Variants in ATN1 observed in about 807,000 individuals in gnomAD.
The protein encoded by ATN1 is atrophin 1.
A neutral mutation model predicts 85.8 loss-of-function variants in ATN1; 19 were observed. That is an observed-to-expected ratio of 0.22 (90% CI 0.15 to 0.32). The LOEUF (loss-of-function observed/expected upper bound fraction) is 0.32. Among genes scored for constraint, ATN1 ranks in the 10% least tolerant of loss-of-function variants. ATN1 has a pLI of 1.00. For synonymous variants in ATN1, 674 were observed against 657.0 expected (o/e 1.03, Z -0.39); for missense variants, 1,453 against 1,564.5 (o/e 0.93, Z 1.20).
rs782093317 is a variant in ATN1, at chr12:6,937,038, T to C, written c.1771T>C (p.Ser591Pro). ...GSYPCSHPSP[S>P]QGPQGAPYPF... ...CTACCCATGTTCACACCCCTCCCCT[T>C]CCCAGGGCCCTCAAGGGGCGCCCTA... Residue 591 changes from serine to proline, a missense_variant, in exon 5 of 10, where the codon TCC (serine) becomes CCC (proline). This residue lies in a region of ATN1 where 990 missense variants were observed against 914.8 expected (regional missense o/e 1.08). Coordinates refer to ENST00000396684, the MANE Select transcript of ATN1 (RefSeq NM_001940.4). The surrounding 1 kb of genome is among the most constrained non-coding windows in gnomAD (Gnocchi z 6.0). 1 of 1,613,758 alleles carries C rather than the reference T, an allele frequency of 6.2e-7. No individual in the cohort carries two copies. The highest frequency in any genetic ancestry group is 1.1e-5 in the South Asian group (1 of 91,064).
rs1183266603 is a variant in ATN1, at chr12:6,935,158, G to C, written c.280-389G>C. Among the ~76,000 whole-genome samples, 1 of 152,194 alleles carries C rather than the reference G, an allele frequency of 6.6e-6. No individual in the cohort carries two copies. Among genetic ancestry groups the C allele is most frequent in the Non-Finnish European group, 1.5e-5 (1 of 68,032 alleles). On this transcript the variant is annotated intron_variant, in intron 4 of 9. Coordinates refer to ENST00000396684, the MANE Select transcript of ATN1 (RefSeq NM_001940.4). The surrounding 1 kb of genome is among the most constrained non-coding windows in gnomAD (Gnocchi z 5.3). Reference sequence around the variant, plus strand: ...CCGCTTCAGCTTCCCAAAGTGCTGGGATTACAGGTGTAAGCCTCTGTGCCC... The same window carrying C: ...CCGCTTCAGCTTCCCAAAGTGCTGGCATTACAGGTGTAAGCCTCTGTGCCC...
upstream of ATN1, among the ~76,000 whole-genome samples, chr12:6,926,537 C>G (rs997424525): frequency 2.0e-5 from 3 of 151,570 alleles, no homozygotes; most frequent in Admixed American, 6.6e-5. Flanking sequence ...TGCAGTGGCG[C>G]GATCTCTGCT....
At chr12:6,931,839 C>A (rs1199344559) in intron 1 of ATN1, among the ~76,000 whole-genome samples, 1 of 151,054 alleles carries the variant, frequency 6.6e-6, no homozygotes, top group African/African-American at 2.4e-5. Context: ...TTCGAGACCA[C>A]CCTGACTAAC....
intron 1 of ATN1, among the ~76,000 whole-genome samples, chr12:6,930,641 A>C (rs781965015): frequency 3.5e-4 from 53 of 152,142 alleles, no homozygotes; most frequent in Admixed American, 6.5e-4. Flanking sequence ...TAAAAATACA[A>C]AAAAATTAGC....
rs1555144120 is a variant in ATN1 at position 6,938,001 on chromosome 12, CGAGCGCGAGCGGGAACGCGAGAAA to C, written c.2463_2486del (p.Arg823_Glu830del). 5.8e-6 allele frequency: 9 copies of C among 1,542,546 alleles called. No individual in the cohort carries two copies. Among genetic ancestry groups the C allele is most frequent in the East Asian group, 4.9e-5 (2 of 40,912 alleles). ...AGCGCGCGCGCGAAGAAAAGGAGCG[CGAGCGCGAGCGGGAACGCGAGAAA>C]GAGCGCGAGCGCGAGAAGGAGCGCG... On this transcript the variant is annotated inframe_deletion, in exon 6 of 10. Transcript: ENST00000396684.
Position 6,934,925 on chromosome 12 carries a change from C to G in ATN1, c.279+347C>G, listed in dbSNP as rs1007658038. Among the ~76,000 whole-genome samples the G allele has an allele frequency of 6.6e-6, 1 of 152,090 alleles. No homozygotes were observed. Among genetic ancestry groups the G allele is most frequent in the African/African-American group, 2.4e-5 (1 of 41,410 alleles). ...TGTTTGTTTTTGAGACAGTTTCGCT[C>G]TGTCACCCAGGCTGGAGTACAGTGG... On this transcript the variant is annotated intron_variant, in intron 4 of 9. Transcript: ENST00000396684. This position sits in a 1 kb window ranked among gnomAD's most constrained non-coding sequence, Gnocchi z 4.5.
chr12:6,934,092 A>G lies in ATN1; in HGVS notation c.27+64A>G. 2 of 1,613,006 alleles carry G rather than the reference A, an allele frequency of 1.2e-6. No homozygotes were observed. Among genetic ancestry groups the G allele is most frequent in the South Asian group, 1.1e-5 (1 of 90,912 alleles). On this transcript the variant is annotated intron_variant, in intron 2 of 9. Coordinates refer to ENST00000396684, the MANE Select transcript of ATN1 (RefSeq NM_001940.4). The surrounding 1 kb of genome is among the most constrained non-coding windows in gnomAD (Gnocchi z 4.5). Reference sequence around the variant, plus strand: ...GCAGGCAAGCTAGGAGGAAGGGTCTAGAGAAGAAGAACAAATAATGTGCAC... The same window carrying G: ...GCAGGCAAGCTAGGAGGAAGGGTCTGGAGAAGAAGAACAAATAATGTGCAC...
At position 6,928,058 on chromosome 12, in the gene ATN1, C is replaced by A. The variant is rs1262056217; in HGVS notation, c.-489C>A. Among the ~76,000 whole-genome samples, 1 of 138,594 alleles carries A rather than the reference C, an allele frequency of 7.2e-6. No individual in the cohort carries two copies. The highest frequency in any genetic ancestry group is 2.2e-4 in the South Asian group (1 of 4,502). 90.9% of individuals were successfully genotyped at this position (138,594 alleles called of 152,430 possible). ...GAACCGCGCCGAGGGCCGGGCGGGC[C>A]GCGGGGCCGGGCGGCGCGGCGGGGG... On this transcript the variant is annotated 5_prime_UTR_variant, in exon 1 of 10. Transcript: ENST00000396684.
rs782170387 is a variant in ATN1 at position 6,937,327 on chromosome 12, C to T, written c.2060C>T (p.Pro687Leu). Reference sequence around the variant, plus strand: ...CCTGCAGGCCCAGGGACCTTCAAGCCGGGCTCGCCCACCGTGGGACCTGGG... The same window carrying T: ...CCTGCAGGCCCAGGGACCTTCAAGCTGGGCTCGCCCACCGTGGGACCTGGG... ...SPPAGPGTFK[P>L]GSPTVGPGPL... is the part of the protein sequence containing the mutation. Residue 687 changes from proline (P) to leucine (L), a missense_variant, in exon 5 of 10, where the codon CCG (proline) becomes CTG (leucine). Coordinates refer to ENST00000396684, the MANE Select transcript of ATN1 (RefSeq NM_001940.4). The surrounding 1 kb of genome is among the most constrained non-coding windows in gnomAD (Gnocchi z 6.0). The T allele has an allele frequency of 3.2e-6, 5 of 1,563,070 alleles. No homozygotes were observed. The highest frequency in any genetic ancestry group is 1.2e-5 in the South Asian group (1 of 86,622).
At position 6,941,848 on chromosome 12, in the gene ATN1, C is replaced by G. The variant is rs1239735735; in HGVS notation, c.*68C>G. On this transcript the variant is annotated 3_prime_UTR_variant, in exon 10 of 10. Coordinates refer to ENST00000396684, the MANE Select transcript of ATN1 (RefSeq NM_001940.4). The surrounding 1 kb of genome is among the most constrained non-coding windows in gnomAD (Gnocchi z 5.9). ...TGGAGCACCCCCACCCTCCCCCCACCGTGCCCTTGGCCTGCCACCCAGAGC... is the reference window on the plus strand; with the variant it reads ...TGGAGCACCCCCACCCTCCCCCCACGGTGCCCTTGGCCTGCCACCCAGAGC... 6.4e-7 allele frequency: 1 copy of G among 1,552,460 alleles called. No individual in the cohort carries two copies. The highest frequency in any genetic ancestry group is 1.1e-5 in the South Asian group (1 of 89,538).
rs782630098 is a variant in ATN1 at position 6,936,728 on chromosome 12, A to ACAGCAGCAACAGCAACAG, written c.1469_1470insACAGCAACAGCAGCAGCA (p.Gln497_Gln502dup). 2.5e-6 allele frequency: 4 copies of ACAGCAGCAACAGCAACAG among 1,583,082 alleles called. No homozygotes were observed. The highest frequency in any genetic ancestry group is 1.7e-6 in the Non-Finnish European group (2 of 1,165,230). On this transcript the variant is annotated inframe_insertion, in exon 5 of 10. Coordinates refer to ENST00000396684, the MANE Select transcript of ATN1 (RefSeq NM_001940.4). ...ATCACCATCACCACCAGCAACAGCA[A>ACAGCAGCAACAGCAACAG]CAGCAGCAGCAGCAGCAGCAGCAGC...
chr12:6,927,127 T>A (rs1161934723), upstream of ATN1, among the ~76,000 whole-genome samples: 1 of 148,698 alleles, frequency 6.7e-6, no homozygotes, highest in Non-Finnish European at 1.5e-5. Flanking sequence ...CATTCCTTCA[T>A]CCCCCCACCC....
At chr12:6,931,100 A>G (rs1945456323) in intron 1 of ATN1, among the ~76,000 whole-genome samples, 1 of 152,146 alleles carries the variant, frequency 6.6e-6, no homozygotes, top group South Asian at 2.1e-4. Flanking sequence ...TTAAAAAAGA[A>G]GGGCATACTA....
intron 6 of ATN1, 149 bp from the exon 7 acceptor site, chr12:6,938,332 G>T: frequency 7.6e-7 from 1 of 1,307,214 alleles, no homozygotes; most frequent in Non-Finnish European, 1.0e-6. Flanking sequence ...ATATTCGGGA[G>T]CGGGGGCCGC....
chr12:6,938,003 A>C lies in ATN1; in HGVS notation c.2453A>C (p.Glu818Ala), dbSNP rs2138217638. 1.9e-6 allele frequency: 3 copies of C among 1,542,690 alleles called. No individual in the cohort carries two copies. The highest frequency in any genetic ancestry group is 2.6e-6 in the Non-Finnish European group (3 of 1,142,230). Residue 818 changes from glutamate (E) to alanine (A), a missense_variant, in exon 6 of 10, where the codon GAG becomes GCG. This residue lies in a region of ATN1 where 990 missense variants were observed against 914.8 expected (regional missense o/e 1.08). Transcript: ENST00000396684. ...CGCGCGCGCGAAGAAAAGGAGCGCG[A>C]GCGCGAGCGGGAACGCGAGAAAGAG... ...EQRAREEKER[E>A]REREREKERE...
rs1945628762 is a variant in ATN1 at position 6,941,092 on chromosome 12, G to GA, written c.3358+70dup. On this transcript the variant is annotated intron_variant, in intron 8 of 9. Coordinates refer to ENST00000396684, the MANE Select transcript of ATN1 (RefSeq NM_001940.4). This position sits in a 1 kb window ranked among gnomAD's most constrained non-coding sequence, Gnocchi z 5.9. ...CAGAAAGGAGGTATTTGGGTGGGGG[G>GA]ATGGGCCTAGTTGGGCTTGGGGAGG... 6.5e-7 allele frequency: 1 copy of GA among 1,549,952 alleles called. No homozygotes were observed. The highest frequency in any genetic ancestry group is 8.8e-7 in the Non-Finnish European group (1 of 1,134,384).
In ATN1 at chr12:6,937,531, A is replaced by T; in HGVS notation, c.2264A>T (p.Asp755Val). ...CCCTCGCCCCCTCCCAAGGTGGTAG[A>T]TGTACCCAGCCATGCCAGTCAGTCT... ...RSPSPPPKVVDVPSHASQSAR... is the reference protein window; with the variant it reads ...RSPSPPPKVVVVPSHASQSAR... The change falls in exon 5 of 10, where the codon GAT becomes GTT. Residue 755 changes from aspartate (D) to valine (V), a missense_variant. Asp to Val is a radical substitution (Grantham distance 152, BLOSUM62 -3). Coordinates refer to ENST00000396684, the MANE Select transcript of ATN1 (RefSeq NM_001940.4). The surrounding 1 kb of genome is among the most constrained non-coding windows in gnomAD (Gnocchi z 6.0). 6.5e-7 allele frequency: 1 copy of T among 1,530,942 alleles called. No individual in the cohort carries two copies. The allele number at this position is 1,530,942 out of a possible 1,614,324, so 94.8% of individuals were successfully genotyped here. A position where few individuals can be genotyped will look rare whatever the true frequency, so the allele number is the denominator to read the frequency against.
chr12:6,940,561 C>T (rs1945620726), intron 7 of ATN1, among the ~76,000 whole-genome samples: 1 of 152,176 alleles, frequency 6.6e-6, no homozygotes, highest in Non-Finnish European at 1.5e-5. Flanking sequence ...AGCCACTGTG[C>T]CCGGCCTCTT....
rs1478812080 is a variant in ATN1 at position 6,934,522 on chromosome 12, G to A, written c.223G>A (p.Glu75Lys). The A allele has an allele frequency of 6.3e-7, 1 of 1,583,130 alleles. No individual in the cohort carries two copies. Among genetic ancestry groups the A allele is most frequent in the Non-Finnish European group, 8.6e-7 (1 of 1,164,006 alleles). Residue 75 changes from glutamate (E) to lysine (K), a missense_variant, in exon 4 of 10, where the codon GAG (glutamate) becomes AAG (lysine). This residue lies in a region of ATN1 where 130 missense variants were observed against 158.2 expected (regional missense o/e 0.82). Transcript: ENST00000396684. This position sits in a 1 kb window ranked among gnomAD's most constrained non-coding sequence, Gnocchi z 4.5. ...PKVNKQGRSEEISESESEETN... is the reference protein window; with the variant it reads ...PKVNKQGRSEKISESESEETN... ...GGTCAACAAGCAGGGTCGGAGTGAG[G>A]AGATCTCAGAGAGTGAAAGTGAGGA...
Sources: gnomAD v4.1 joint callset for allele counts (sites outside exome capture counted in the v4.1 genomes callset) on GRCh38, gnomAD v4.1.1 for gene constraint, gnomAD v4.1.1 regional missense constraint, Gnocchi (gnomAD v3.1) non-coding constraint, MANE v1.5 for transcripts, NCBI Gene and HGNC (gene_info 2026-07-23, HGNC 2026-07-21) for gene names.